Variants in MYH10 observed in about 807,000 individuals in gnomAD.
MYH10 encodes the protein myosin heavy chain 10.
A neutral mutation model predicts 257.8 loss-of-function variants in MYH10; 55 were observed. That is an observed-to-expected ratio of 0.21 (90% CI 0.17 to 0.27). The LOEUF is 0.27. Ranked by LOEUF, MYH10 falls within the 10% of genes least tolerant of loss-of-function variation. MYH10 has a pLI of 1.00. For synonymous variants in MYH10, 854 were observed against 921.7 expected (o/e 0.93, Z 1.33); for missense variants, 1,631 against 2,500.6 (o/e 0.65, Z 7.42).
chr17:8,629,064 C>T lies in MYH10; in HGVS notation c.-32+1590G>A, dbSNP rs190598566. On this transcript the variant is annotated intron_variant, in intron 1 of 42. Transcript: ENST00000360416. ...CCACTTTTCCAGAACCCGAGACAGG[C>T]AGGGCATACTTAAACATCAAAAGCA... is the stretch of plus-strand genomic sequence containing the variant. 2.9e-3 allele frequency among the ~76,000 whole-genome samples: 436 copies of T among 152,168 alleles called. 4 individuals are homozygous for T. The highest frequency in any genetic ancestry group is 9.7e-3 in the African/African-American group (402 of 41,498).
At chr17:8,570,346 G>A (rs1360501172) in intron 6 of MYH10, among the ~76,000 whole-genome samples, 1 of 152,166 alleles carries the variant, frequency 6.6e-6, no homozygotes, top group Non-Finnish European at 1.5e-5. Flanking sequence ...AGACGTTGAT[G>A]CTGCTAACTT....
At chr17:8,547,724 T>C (rs1231070014) in intron 11 of MYH10, among the ~76,000 whole-genome samples, 4 of 146,976 alleles carry the variant, frequency 2.7e-5, no homozygotes, top group South Asian at 4.2e-4. Context: ...CTGATATATA[T>C]ATAATATATA....
intron 4 of MYH10, among the ~76,000 whole-genome samples, chr17:8,587,584 C>A (rs142587633): frequency 6.6e-6 from 1 of 152,062 alleles, no homozygotes; most frequent in African/African-American, 2.4e-5. Context: ...GGAGAAGAGT[C>A]GCGCCCCCCA....
Position 8,487,524 on chromosome 17 carries a change from T to G in MYH10, c.4955A>C (p.Lys1652Thr), listed in dbSNP as rs1242283849. 6.2e-7 allele frequency: 1 copy of G among 1,614,182 alleles called. No homozygotes were observed. The highest frequency in any genetic ancestry group is 2.2e-5 in the East Asian group (1 of 44,876). ...GAGGTCCTTCAGGTCTATCTCCATC[T>G]TTTTCTTTGAAGCTACAGCAAGCGC... is the stretch of plus-strand genomic sequence containing the variant. Reference protein sequence around the residue: ...QRALAVASKKKMEIDLKDLEA... With the variant: ...QRALAVASKKTMEIDLKDLEA... The change falls in exon 36 of 43, where the codon AAG becomes ACG. Residue 1652 changes from lysine (K) to threonine (T), a missense_variant. By Grantham distance (78) the Lys-to-Thr change is moderately conservative. This residue lies in a region of MYH10 where 463 missense variants were observed against 621.8 expected (regional missense o/e 0.74). Coordinates refer to ENST00000360416, the MANE Select transcript of MYH10 (RefSeq NM_001256012.3).
At chr17:8,480,350 G>A in intron 39 of MYH10, 32 bp from the exon 40 acceptor site, 2 of 1,613,212 alleles carry the variant, frequency 1.2e-6, no homozygotes, top group Non-Finnish European at 1.7e-6. Context: ...AGTCACTTGT[G>A]CCTGAGGGGT....
intron 7 of MYH10, among the ~76,000 whole-genome samples, chr17:8,562,523 A>C (rs889521207): frequency 6.6e-6 from 1 of 152,238 alleles, no homozygotes; most frequent in African/African-American, 2.4e-5. Context: ...CATTATGTGA[A>C]GAAATCTGTG....
chr17:8,555,130 A>C (rs1302134550), intron 7 of MYH10, among the ~76,000 whole-genome samples: 1 of 152,148 alleles, frequency 6.6e-6, no homozygotes, highest in East Asian at 1.9e-4. Context: ...AAACAAGAAA[A>C]AAAAATTAAA....
At chr17:8,493,633 A>G in intron 32 of MYH10, 100 bp downstream of exon 32, 1 of 1,358,566 alleles carries the variant, frequency 7.4e-7, no homozygotes, top group Non-Finnish European at 9.9e-7. Flanking sequence ...CGACCTAATT[A>G]ACTGTCCCAA....
chr17:8,478,471 T>C (rs1455721568), intron 40 of MYH10, 25 bp from the exon 41 acceptor site: 2 of 1,595,952 alleles, frequency 1.3e-6, no homozygotes, highest in Non-Finnish European at 1.7e-6. Flanking sequence ...ACAGTAGTTT[T>C]GAAATTCTTG....
Position 8,542,119 on chromosome 17 carries a change from T to C in MYH10, c.1593A>G (p.Leu531=), listed in dbSNP as rs372019466. Reference sequence around the variant, plus strand: ...TGAGCACTCTTACAGGTCTCTCTATTAGGTCGATGCATGGCTGCAGATCCA... The same window carrying C: ...TGAGCACTCTTACAGGTCTCTCTATCAGGTCGATGCATGGCTGCAGATCCA... The part of the protein sequence containing the change: ...FGLDLQPCID[L]IERPANPPGV... The change falls in exon 14 of 43, where the codon CTA becomes CTG. Residue 531 remains leucine, a synonymous_variant. Transcript: ENST00000360416. 1.9e-5 allele frequency: 30 copies of C among 1,613,910 alleles called. No individual in the cohort carries two copies. Among genetic ancestry groups the C allele is most frequent in the Middle Eastern group, 3.3e-4 (2 of 6,060 alleles).
chr17:8,561,202 C>A, intron 7 of MYH10: 1 of 736,472 alleles, frequency 1.4e-6, no homozygotes, highest in Non-Finnish European at 2.5e-6. Flanking sequence ...AGATTTGGGG[C>A]CTCTCCTCTC....
intron 26 of MYH10, among the ~76,000 whole-genome samples, chr17:8,507,994 G>A (rs2081129253): frequency 6.6e-6 from 1 of 151,954 alleles, no homozygotes; most frequent in Non-Finnish European, 1.5e-5. Context: ...AAAAGAAAAA[G>A]GAAAACCATT....
chr17:8,615,773 T>C (rs2085237052), intron 2 of MYH10, among the ~76,000 whole-genome samples: 1 of 152,090 alleles, frequency 6.6e-6, no homozygotes, highest in Non-Finnish European at 1.5e-5. Flanking sequence ...GATAAAAAAA[T>C]CACCCATTCA....
At chr17:8,561,214 G>A (rs960724201) in intron 7 of MYH10, 30 of 773,680 alleles carry the variant, frequency 3.9e-5, no homozygotes, top group Non-Finnish European at 6.1e-5. Flanking sequence ...TCTCCTCTCC[G>A]GTCCGTGCCT....
Position 8,480,499 on chromosome 17 carries a change from C to T in MYH10, c.5291G>A (p.Arg1764His), listed in dbSNP as rs371976533. The T allele has an allele frequency of 1.0e-4, 169 of 1,610,376 alleles. No homozygotes were observed. Among genetic ancestry groups the T allele is most frequent in the Non-Finnish European group, 1.3e-4 (149 of 1,179,882 alleles). ...GKSALLDEKR[R>H]LEARIAQLEE... is the part of the protein sequence containing the mutation. The stretch of plus-strand genomic sequence containing the variant: ...CAGCTGTGCGATCCGAGCTTCCAGA[C>T]GCCGCTTCTCATCCAGCAGCGCGGA... Residue 1764 changes from arginine (R) to histidine (H), a missense_variant, in exon 39 of 43, where the codon CGT becomes CAT. Transcript: ENST00000360416.
At chr17:8,491,719 A>G (rs188272433) in intron 34 of MYH10, among the ~76,000 whole-genome samples, 14 of 152,308 alleles carry the variant, frequency 9.2e-5, no homozygotes, top group African/African-American at 2.6e-4. Context: ...TTGTTTTGCT[A>G]TCTTCAACAC....
intron 4 of MYH10, among the ~76,000 whole-genome samples, chr17:8,588,008 T>A (rs1268753770): frequency 6.6e-6 from 1 of 152,016 alleles, no homozygotes; most frequent in African/African-American, 2.4e-5. Context: ...CAATCTGAAG[T>A]GCTGACCCCT....
chr17:8,518,574 G>C, intron 21 of MYH10, 57 bp downstream of exon 21: 1 of 1,551,574 alleles, frequency 6.4e-7, no homozygotes, highest in Non-Finnish European at 8.8e-7. Context: ...AAAATGCAAT[G>C]CTTATCTAGC....
intron 42 of MYH10, among the ~76,000 whole-genome samples, chr17:8,476,488 GAGCAGATCCAT>G (rs1912641809): frequency 2.0e-5 from 3 of 152,208 alleles, no homozygotes; most frequent in Non-Finnish European, 4.4e-5. Flanking sequence ...CACTGGTACA[GAGCAGATCCAT>G]TGTGGTGAGG....
Sources: gnomAD v4.1 joint callset for allele counts (sites outside exome capture counted in the v4.1 genomes callset) on GRCh38, gnomAD v4.1.1 for gene constraint, gnomAD v4.1.1 regional missense constraint, MANE v1.5 for transcripts, NCBI Gene and HGNC (gene_info 2026-07-23, HGNC 2026-07-21) for gene names.